CLDN5: variants seen among roughly 807,000 people sequenced by gnomAD.
CLDN5 encodes the protein claudin 5, also known as claudin-5.
In CLDN5, 4 loss-of-function variants were observed where a neutral mutation model predicts 1.3. That is an observed-to-expected ratio of 3.07 (90% CI 1.51 to 7.03). The LOEUF is 7.03. Among genes scored for constraint, CLDN5 ranks in the 30% most tolerant of loss-of-function variants. The pLI is 0.00. For missense variants in CLDN5, 225 were observed against 303.5 expected, an observed-to-expected ratio of 0.74 and a Z score of 1.92; for synonymous variants, 156 against 152.3, an observed-to-expected ratio of 1.02 and a Z score of -0.18.
In CLDN5 at chr22:19,523,510, G is replaced by A; in HGVS notation, c.*89C>T. 2 of 1,458,932 alleles carry A rather than the reference G, an allele frequency of 1.4e-6. No homozygotes were observed. Among genetic ancestry groups the A allele is most frequent in the Non-Finnish European group, 9.0e-7 (1 of 1,112,380 alleles). The allele number at this position is 1,458,932 out of a possible 1,614,324, so 90.4% of individuals were successfully genotyped here. ...GAGCCTGCGCGCCGCGCTACCCGGC[G>A]GAAGCCGCGGTCCATGCGGGGCTCC... On this transcript the variant is annotated 3_prime_UTR_variant, in exon 1 of 1. Transcript: ENST00000618236.
upstream of CLDN5, chr22:19,524,732 A>C: frequency 1.6e-6 from 2 of 1,277,116 alleles, no homozygotes; most frequent in Non-Finnish European, 9.9e-7. Context: ...AAGGCGCTCG[A>C]CCCCCAGTCT....
chr22:19,524,987 C>G, upstream of CLDN5: 1 of 1,006,316 alleles, frequency 9.9e-7, no homozygotes, highest in South Asian at 4.7e-5. Context: ...CCATGGCAAA[C>G]AGAGAGGCCA....
At chr22:19,524,448 G>A (rs757116423), upstream of CLDN5, 25 of 1,440,034 alleles carry the variant, frequency 1.7e-5, no homozygotes, top group South Asian at 3.2e-4. Context: ...AAGGTTCGGG[G>A]GCGGATTCTG....
At position 19,523,414 on chromosome 22, in the gene CLDN5, A is replaced by G. The variant is rs922495187; in HGVS notation, c.*185T>C. 41 of 747,280 alleles carry G rather than the reference A, an allele frequency of 5.5e-5. No homozygotes were observed. In the Middle Eastern group the frequency reaches 1.2e-3, roughly 21 times the overall value. 46.3% of individuals were successfully genotyped at this position (747,280 alleles called of 1,614,324 possible). A position where few individuals can be genotyped will look rare whatever the true frequency, so the allele number is the denominator to read the frequency against. The stretch of plus-strand genomic sequence containing the variant: ...GGCAGGGCCGGGCTAGTGGCAGGAG[A>G]AGGTCAGCTGCGGGCGCAGGCAGGA... On this transcript the variant is annotated 3_prime_UTR_variant, in exon 1 of 1. Transcript: ENST00000618236.
Position 19,523,508 on chromosome 22 carries a change from G to T in CLDN5, c.*91C>A. On this transcript the variant is annotated 3_prime_UTR_variant, in exon 1 of 1. Transcript: ENST00000618236. Reference sequence around the variant, plus strand: ...AGGAGCCTGCGCGCCGCGCTACCCGGCGGAAGCCGCGGTCCATGCGGGGCT... The same window carrying T: ...AGGAGCCTGCGCGCCGCGCTACCCGTCGGAAGCCGCGGTCCATGCGGGGCT... The T allele has an allele frequency of 6.9e-7, 1 of 1,455,954 alleles. No individual in the cohort carries two copies. The highest frequency in any genetic ancestry group is 9.0e-7 in the Non-Finnish European group (1 of 1,110,034). The allele number at this position is 1,455,954 out of a possible 1,614,324, so 90.2% of individuals were successfully genotyped here. A position where few individuals can be genotyped will look rare whatever the true frequency, so the allele number is the denominator to read the frequency against.
rs935668135 is a variant in CLDN5 at position 19,523,473 on chromosome 22, G to A, written c.*126C>T. On this transcript the variant is annotated 3_prime_UTR_variant, in exon 1 of 1. Coordinates refer to ENST00000618236, the MANE Select transcript of CLDN5 (RefSeq NM_001363066.2). ...AGGAGCCGCGTCGGGGCGCAGAGCC[G>A]GACGTTCCGAGGAGCCTGCGCGCCG... 5.7e-5 allele frequency: 76 copies of A among 1,331,436 alleles called. No homozygotes were observed. The highest frequency in any genetic ancestry group is 7.1e-5 in the Non-Finnish European group (72 of 1,011,052). The allele number at this position is 1,331,436 out of a possible 1,614,324, so 82.5% of individuals were successfully genotyped here.
At position 19,523,856 on chromosome 22, in the gene CLDN5, C is replaced by T. The variant is rs777716097; in HGVS notation, c.400G>A (p.Val134Met). Residue 134 changes from valine to methionine, a missense_variant, in exon 1 of 1, where the codon GTG becomes ATG. By Grantham distance (21) the Val-to-Met change is conservative. Around this residue, in one of 3 missense-constraint regions of CLDN5, gnomAD observed 165 missense variants for 211.9 expected, o/e 0.78. Coordinates refer to ENST00000618236, the MANE Select transcript of CLDN5 (RefSeq NM_001363066.2). ...LYLFCGLLAL[V>M]PLCWFANIVV... ...ATGTTGGCGAACCAGCAGAGTGGCA[C>T]GAGCGCCAGCAGCCCGCAAAACAGG... 6.2e-7 allele frequency: 1 copy of T among 1,610,256 alleles called. No homozygotes were observed. The highest frequency in any genetic ancestry group is 8.5e-7 in the Non-Finnish European group (1 of 1,179,190).
rs749628801 is a variant in CLDN5 at position 19,523,688 on chromosome 22, C to G, written c.568G>C (p.Gly190Arg). 2 of 1,607,840 alleles carry G rather than the reference C, an allele frequency of 1.2e-6. No individual in the cohort carries two copies. Among genetic ancestry groups the G allele is most frequent in the Non-Finnish European group, 1.7e-6 (2 of 1,179,336 alleles). ...ACGGGGAAGCTGAGGTCGGGACGGCCGGTGCAGACCCAGGCGCCGCAGCAC... is the reference window on the plus strand; with the variant it reads ...ACGGGGAAGCTGAGGTCGGGACGGCGGGTGCAGACCCAGGCGCCGCAGCAC... ...LLCCGAWVCT[G>R]RPDLSFPVKY... Residue 190 changes from glycine (G) to arginine (R), a missense_variant, in exon 1 of 1, where the codon GGC (glycine) becomes CGC (arginine). Gly to Arg is a moderately radical substitution (Grantham distance 125, BLOSUM62 -2). Around this residue, in one of 3 missense-constraint regions of CLDN5, gnomAD observed 165 missense variants for 211.9 expected, o/e 0.78. Transcript: ENST00000618236.
Position 19,523,806 on chromosome 22 carries a change from C to T in CLDN5, c.450G>A (p.Pro150=). ...ANIVVREFYD[P]SVPVSQKYEL... ...CGTACTTCTGCGACACGGGCACAGA[C>T]GGGTCGTAAAACTCGCGGACGACAA... is the stretch of plus-strand genomic sequence containing the variant. The change falls in exon 1 of 1, where the codon CCG becomes CCA. Residue 150 remains proline (P), a synonymous_variant. Coordinates refer to ENST00000618236, the MANE Select transcript of CLDN5 (RefSeq NM_001363066.2). 1 of 1,607,770 alleles carries T rather than the reference C, an allele frequency of 6.2e-7. No homozygotes were observed. The highest frequency in any genetic ancestry group is 8.5e-7 in the Non-Finnish European group (1 of 1,177,752).
Position 19,523,576 on chromosome 22 carries a change from G to A in CLDN5, c.*23C>T. 1 of 1,537,020 alleles carries A rather than the reference G, an allele frequency of 6.5e-7. No homozygotes were observed. The highest frequency in any genetic ancestry group is 1.2e-5 in the South Asian group (1 of 80,894). ...GCCTCGCAGGCGTGGCTGGCAGGAG[G>A]GGCCCGGCCGTGCCCAGCGCCCTCA... On this transcript the variant is annotated 3_prime_UTR_variant, in exon 1 of 1. Coordinates refer to ENST00000618236, the MANE Select transcript of CLDN5 (RefSeq NM_001363066.2).
At chr22:19,524,658 C>T (rs1341522776), upstream of CLDN5, 6 of 1,337,474 alleles carry the variant, frequency 4.5e-6, no homozygotes, top group East Asian at 1.5e-4. Context: ...CGAGCGCATT[C>T]TGGGCTGGCC....
At chr22:19,524,701 G>T (rs1297335862), upstream of CLDN5, 6 of 1,299,930 alleles carry the variant, frequency 4.6e-6, no homozygotes, top group African/African-American at 7.7e-5. Context: ...CTCCCTGCGC[G>T]TCCCGGCCCC....
chr22:19,524,005 G>A lies in CLDN5; in HGVS notation c.251C>T (p.Thr84Ile). The change falls in exon 1 of 1, where the codon ACC (threonine) becomes ATC (isoleucine). Residue 84 changes from threonine (T) to isoleucine (I), a missense_variant. By Grantham distance (89) the Thr-to-Ile change is moderately conservative. This residue lies in a region of CLDN5 where 165 missense variants were observed against 211.9 expected (regional missense o/e 0.78). Coordinates refer to ENST00000618236, the MANE Select transcript of CLDN5 (RefSeq NM_001363066.2). Reference protein sequence around the residue: ...STEVQAARALTVSAVLLAFVA... With the variant: ...STEVQAARALIVSAVLLAFVA... ...GAACGCCAGCAGCACGGCGCTCACG[G>A]TGAGCGCCCGCGCCGCCTGCACCTC... The A allele has an allele frequency of 1.3e-6, 2 of 1,591,136 alleles. No homozygotes were observed. Among genetic ancestry groups the A allele is most frequent in the Non-Finnish European group, 1.7e-6 (2 of 1,174,968 alleles).
upstream of CLDN5, chr22:19,525,234 C>G: frequency 1.0e-6 from 1 of 1,000,500 alleles, no homozygotes. Context: ...TCAGGTGACA[C>G]CACTTCAGGA....
chr22:19,523,938 G>C lies in CLDN5; in HGVS notation c.318C>G (p.Thr106=). 6.3e-7 allele frequency: 1 copy of C among 1,593,642 alleles called. No homozygotes were observed. Among genetic ancestry groups the C allele is most frequent in the Non-Finnish European group, 8.5e-7 (1 of 1,174,464 alleles). The change falls in exon 1 of 1, where the codon ACC becomes ACG. Residue 106 remains threonine (T), a synonymous_variant. Coordinates refer to ENST00000618236, the MANE Select transcript of CLDN5 (RefSeq NM_001363066.2). ...CCTTGGCCGGGCCCGGGGCCACGCAGGTGGTGCACTGCGCGCCCGCCAGGG... is the reference window on the plus strand; with the variant it reads ...CCTTGGCCGGGCCCGGGGCCACGCACGTGGTGCACTGCGCGCCCGCCAGGG... ...FVTLAGAQCT[T]CVAPGPAKAR... is the part of the protein sequence containing the mutation.
chr22:19,523,928 G>T lies in CLDN5; in HGVS notation c.328C>A (p.Pro110Thr), dbSNP rs1018313006. ...GCCACACGCGCCTTGGCCGGGCCCG[G>T]GGCCACGCAGGTGGTGCACTGCGCG... ...AGAQCTTCVA[P>T]GPAKARVALT... The change falls in exon 1 of 1, where the codon CCG becomes ACG. Residue 110 changes from proline (P) to threonine (T), a missense_variant. By Grantham distance (38) the Pro-to-Thr change is conservative. This residue lies in a region of CLDN5 where 165 missense variants were observed against 211.9 expected (regional missense o/e 0.78). Coordinates refer to ENST00000618236, the MANE Select transcript of CLDN5 (RefSeq NM_001363066.2). 1.3e-6 allele frequency: 2 copies of T among 1,595,936 alleles called. No individual in the cohort carries two copies. Among genetic ancestry groups the T allele is most frequent in the Non-Finnish European group, 1.7e-6 (2 of 1,175,264 alleles).
In CLDN5 at chr22:19,523,027, G is replaced by A. The variant is rs941456370; in HGVS notation, c.*572C>T. ...GACAGAGAACAGGACACAGGTGGGA[G>A]AGAGTTCAAACCATTTACTAAGCAG... is the stretch of plus-strand genomic sequence containing the variant. On this transcript the variant is annotated 3_prime_UTR_variant, in exon 1 of 1. Transcript: ENST00000618236. The A allele has an allele frequency of 1.3e-5, 2 of 152,714 alleles. No individual in the cohort carries two copies. The highest frequency in any genetic ancestry group is 2.4e-5 in the African/African-American group (1 of 41,440). 9.5% of individuals were successfully genotyped at this position (152,714 alleles called of 1,614,324 possible). A position where few individuals can be genotyped will look rare whatever the true frequency, so the allele number is the denominator to read the frequency against.
At chr22:19,524,534 C>A, upstream of CLDN5, 1 of 1,399,586 alleles carries the variant, frequency 7.1e-7, no homozygotes, top group Non-Finnish European at 9.3e-7. Flanking sequence ...ATCACAGAGC[C>A]TCTGGCAGCT....
At chr22:19,524,641 T>A (rs1934192597), upstream of CLDN5, 9 of 1,344,192 alleles carry the variant, frequency 6.7e-6, no homozygotes, top group Non-Finnish European at 8.6e-6. Flanking sequence ...GTTGTCCTAG[T>A]CGCGGCCGAG....
Sources: gnomAD v4.1 joint callset for allele counts on GRCh38, gnomAD v4.1.1 for gene constraint, gnomAD v4.1.1 regional missense constraint, MANE v1.5 for transcripts, NCBI Gene and HGNC (gene_info 2026-07-23, HGNC 2026-07-21) for gene names.